CADPS: variants seen among roughly 807,000 people sequenced by gnomAD.
CADPS encodes calcium-dependent secretion activator 1.
Under a neutral mutation model 167.3 loss-of-function variants are expected in CADPS, and 57 were observed. The ratio of observed to expected loss-of-function variants is 0.34; its 90% CI spans 0.28 to 0.42. The LOEUF is 0.42. Ranked by LOEUF, CADPS falls within the 20% of genes least tolerant of loss-of-function variation. CADPS has a pLI of 1.00. For synonymous variants in CADPS, 676 were observed against 635.3 expected, an observed-to-expected ratio of 1.06 and a Z score of -0.96; for missense variants, 1,414 against 1,738.1, an observed-to-expected ratio of 0.81 and a Z score of 3.32.
At chr3:62,745,471 C>A (rs2081256457) in intron 3 of CADPS, among the ~76,000 whole-genome samples, 1 of 152,184 alleles carries the variant, frequency 6.6e-6, no homozygotes, top group Non-Finnish European at 1.5e-5. Context: ...CCTTGAATAT[C>A]TAATGACTTC....
intron 11 of CADPS, among the ~76,000 whole-genome samples, 161 bp downstream of exon 11, chr3:62,549,742 T>A (rs2077033450): frequency 6.6e-6 from 1 of 152,182 alleles, no homozygotes. Flanking sequence ...ATTACTTTCA[T>A]CTAACATTTG....
chr3:62,634,492 A>G lies in CADPS; in HGVS notation c.1325+11230T>C, dbSNP rs1171321132. Among the ~76,000 whole-genome samples the G allele has an allele frequency of 2.0e-5, 3 of 152,200 alleles. No homozygotes were observed. The East Asian group carries it at 5.8e-4, about 29-fold the overall frequency. On this transcript the variant is annotated intron_variant, in intron 6 of 29. Coordinates refer to ENST00000383710, the MANE Select transcript of CADPS (RefSeq NM_003716.4). ...GCATTTGGAATGCTCACCTATTTTA[A>G]AAATGAATATTCAGATTTTAACAAT...
chr3:62,872,113 C>G (rs2082742352), intron 1 of CADPS, among the ~76,000 whole-genome samples: 1 of 105,276 alleles, frequency 9.5e-6, no homozygotes, highest in Non-Finnish European at 2.0e-5. Context: ...ATCCCTTTCT[C>G]TACATTTTTC....
intron 3 of CADPS, among the ~76,000 whole-genome samples, chr3:62,715,753 CTTTTTTTTTTT>C (rs71123291): frequency 1.1e-5 from 1 of 89,716 alleles, no homozygotes; most frequent in African/African-American, 4.1e-5. Flanking sequence ...GATTATAAAT[CTTTTTTTTTTT>C]TTTTTTTTTT....
chr3:62,636,878 C>T (rs2066415181), intron 6 of CADPS, among the ~76,000 whole-genome samples: 1 of 152,068 alleles, frequency 6.6e-6, no homozygotes, highest in Admixed American at 6.6e-5. Context: ...AGAATATGTC[C>T]TCTGGCTCTG....
intron 13 of CADPS, among the ~76,000 whole-genome samples, chr3:62,521,013 G>A (rs1472234878): frequency 1.3e-5 from 2 of 152,162 alleles, no homozygotes; most frequent in African/African-American, 2.4e-5. Context: ...TTCCACAGAA[G>A]CAACAGCATA....
chr3:62,761,974 T>C (rs926807521), intron 2 of CADPS, among the ~76,000 whole-genome samples: 6 of 152,198 alleles, frequency 3.9e-5, no homozygotes, highest in African/African-American at 1.4e-4. Context: ...AATAAACCTG[T>C]GTGCTCTTGA....
At chr3:62,855,828 A>G (rs2153140745) in intron 1 of CADPS, among the ~76,000 whole-genome samples, 1 of 152,276 alleles carries the variant, frequency 6.6e-6, no homozygotes, top group East Asian at 1.9e-4. Context: ...AAAAGAAGAG[A>G]AAAAAATTAA....
At chr3:62,532,807 G>C (rs1195827487) in intron 13 of CADPS, 64 bp downstream of exon 13, 2 of 1,481,498 alleles carry the variant, frequency 1.3e-6, no homozygotes, top group Admixed American at 3.4e-5. Context: ...AGCAAGACTA[G>C]CCATAAACCA....
chr3:62,872,383 C>T (rs2082789066), intron 1 of CADPS, among the ~76,000 whole-genome samples: 1 of 152,028 alleles, frequency 6.6e-6, no homozygotes, highest in Non-Finnish European at 1.5e-5. Flanking sequence ...AGTGAAAAAG[C>T]TTCTTTTTGT....
At chr3:62,812,172 A>G (rs1443868323) in intron 1 of CADPS, among the ~76,000 whole-genome samples, 1 of 152,198 alleles carries the variant, frequency 6.6e-6, no homozygotes, top group Non-Finnish European at 1.5e-5. Context: ...ACACAAAAAT[A>G]TTAACATATG....
At chr3:62,590,433 T>A (rs2085691205) in intron 7 of CADPS, among the ~76,000 whole-genome samples, 1 of 152,178 alleles carries the variant, frequency 6.6e-6, no homozygotes, top group Non-Finnish European at 1.5e-5. Context: ...GGGACAGAAA[T>A]GAGTATCGTT....
Position 62,698,731 on chromosome 3 carries a change from CTTTTTTTTTTTTT to C in CADPS, c.889-36350_889-36338del, listed in dbSNP as rs201324385. Among the ~76,000 whole-genome samples the C allele has an allele frequency of 6.5e-4, 44 of 67,238 alleles. No homozygotes were observed. The East Asian group carries it at 0.02, about 30-fold the overall frequency. 44.1% of individuals were successfully genotyped at this position (67,238 alleles called of 152,430 possible). On this transcript the variant is annotated intron_variant, in intron 3 of 29. Transcript: ENST00000383710. ...TCTCCTTTCCTTTCCTCCCCACTTCCTTTTTTTTTTTTTTTTTTTTTTTTTTCAGACAGGGTCT... is the reference window on the plus strand; with the variant it reads ...TCTCCTTTCCTTTCCTCCCCACTTCCTTTTTTTTTTTTTCAGACAGGGTCT...
At chr3:62,533,102 G>A in intron 12 of CADPS, 44 bp from the exon 13 acceptor site, 2 of 1,555,286 alleles carry the variant, frequency 1.3e-6, no homozygotes, top group Non-Finnish European at 1.8e-6. Context: ...AATACAGGTT[G>A]TTTTCTGGAG....
At chr3:62,688,396 T>C (rs530440696) in intron 3 of CADPS, among the ~76,000 whole-genome samples, 13 of 152,228 alleles carry the variant, frequency 8.5e-5, no homozygotes, top group Admixed American at 3.9e-4. Flanking sequence ...AGCATTGTTA[T>C]AGCTAGTGAA....
At chr3:62,418,271 G>A (rs2050552473) in intron 28 of CADPS, among the ~76,000 whole-genome samples, 2 of 150,656 alleles carry the variant, frequency 1.3e-5, no homozygotes, top group Admixed American at 1.3e-4. Context: ...TGAGCCTTCA[G>A]AGATTGGGAA....
At chr3:62,490,439 G>C (rs2063514324) in intron 21 of CADPS, among the ~76,000 whole-genome samples, 1 of 152,180 alleles carries the variant, frequency 6.6e-6, no homozygotes, top group Non-Finnish European at 1.5e-5. Flanking sequence ...AGAAAGGGGA[G>C]TCTGAGACTG....
chr3:62,518,494 G>A (rs1165032949), intron 13 of CADPS, among the ~76,000 whole-genome samples: 2 of 152,206 alleles, frequency 1.3e-5, no homozygotes, highest in Non-Finnish European at 2.9e-5. Context: ...GTACAAACTG[G>A]TGGCTTGAAG....
chr3:62,601,238 T>C lies in CADPS; in HGVS notation c.1326-8490A>G, dbSNP rs13323974. On this transcript the variant is annotated intron_variant, in intron 6 of 29. Transcript: ENST00000383710. This position sits in a 1 kb window ranked among gnomAD's most constrained non-coding sequence, Gnocchi z 4.3. ...ATGAATATTATATGAAATTCAAATT[T>C]TGATGCCCATCAATAACGTTTTATT... Among the ~76,000 whole-genome samples the C allele has an allele frequency of 8.9e-3, 1,351 of 152,330 alleles. 17 individuals are homozygous for C. The highest frequency in any genetic ancestry group is 0.031 in the African/African-American group (1,282 of 41,568).
Sources: gnomAD v4.1 joint callset for allele counts (sites outside exome capture counted in the v4.1 genomes callset) on GRCh38, gnomAD v4.1.1 for gene constraint, Gnocchi (gnomAD v3.1) non-coding constraint, MANE v1.5 for transcripts, NCBI Gene and HGNC (gene_info 2026-07-23, HGNC 2026-07-21) for gene names.